LRMDA: variants seen among roughly 807,000 people sequenced by gnomAD.
LRMDA encodes the protein leucine rich melanocyte differentiation associated, also known as leucine-rich melanocyte differentiation-associated protein.
A neutral mutation model predicts 29.8 loss-of-function variants in LRMDA; 18 were observed. The ratio of observed to expected loss-of-function variants is 0.60; its 90% CI spans 0.42 to 0.90. The LOEUF is 0.90. Ranked by LOEUF, LRMDA falls within the 40% of genes least tolerant of loss-of-function variation. LRMDA has a pLI of 0.00. For missense variants in LRMDA, 273 were observed against 273.9 expected (o/e 1.00, Z 0.02); for synonymous variants, 125 against 109.4 (o/e 1.14, Z -0.89).
At chr10:76,044,439 GTTTTTTT>G (rs3042545) in intron 3 of LRMDA, among the ~76,000 whole-genome samples, 1 of 137,020 alleles carries the variant, frequency 7.3e-6, no homozygotes, top group Non-Finnish European at 1.6e-5. Flanking sequence ...TTTTTTCTTT[GTTTTTTT>G]TTTTTTTTTT....
intron 2 of LRMDA, among the ~76,000 whole-genome samples, chr10:75,968,767 T>A (rs1011146811): frequency 6.6e-6 from 1 of 152,186 alleles, no homozygotes; most frequent in Non-Finnish European, 1.5e-5. Flanking sequence ...CTTAGGTATC[T>A]TTTGGAGGGT....
chr10:75,837,070 T>TGATATTGATATAGATATA (rs1181020376), intron 2 of LRMDA, among the ~76,000 whole-genome samples: 1 of 152,186 alleles, frequency 6.6e-6, no homozygotes, highest in East Asian at 1.9e-4. Context: ...ATTGATATAC[T>TGATATTGATATAGATATA]GATATTGATA....
chr10:75,673,027 G>T (rs1290899553), intron 2 of LRMDA, among the ~76,000 whole-genome samples: 1 of 151,598 alleles, frequency 6.6e-6, no homozygotes, highest in Non-Finnish European at 1.5e-5. Flanking sequence ...GTCATCATAG[G>T]AATGATGCAG....
chr10:76,147,857 A>G (rs1850359163), intron 5 of LRMDA, among the ~76,000 whole-genome samples: 1 of 151,904 alleles, frequency 6.6e-6, no homozygotes, highest in South Asian at 2.1e-4. Flanking sequence ...GTACAGATGC[A>G]CTTTTTGTGT....
intron 2 of LRMDA, among the ~76,000 whole-genome samples, chr10:75,704,813 T>C (rs770475817): frequency 2.0e-5 from 3 of 152,216 alleles, no homozygotes; most frequent in Non-Finnish European, 4.4e-5. Context: ...CTTACCTTTC[T>C]GCACTTCTGT....
chr10:75,926,625 G>T (rs1846124470), intron 2 of LRMDA, among the ~76,000 whole-genome samples: 1 of 152,172 alleles, frequency 6.6e-6, no homozygotes, highest in Non-Finnish European at 1.5e-5. Context: ...GTGTTTATGG[G>T]CATGTTTGGC....
intron 6 of LRMDA, among the ~76,000 whole-genome samples, chr10:76,549,428 A>G (rs763082552): frequency 1.1e-4 from 17 of 152,182 alleles, no homozygotes; most frequent in Non-Finnish European, 2.2e-4. Flanking sequence ...GGAAAGCTGC[A>G]CTGGACGGGT....
chr10:76,287,830 G>T (rs1295180587), intron 5 of LRMDA, among the ~76,000 whole-genome samples: 2 of 152,174 alleles, frequency 1.3e-5, no homozygotes, highest in Non-Finnish European at 2.9e-5. Flanking sequence ...AGGCCCTTCA[G>T]ATCTAATAAG....
At chr10:75,502,356 C>T (rs1195393724) in intron 2 of LRMDA, among the ~76,000 whole-genome samples, 4 of 152,108 alleles carry the variant, frequency 2.6e-5, no homozygotes, top group African/African-American at 9.7e-5. Context: ...TTGTTGGGCA[C>T]AGTTTGGGAG....
At chr10:76,232,750 TG>T (rs1336913013) in intron 5 of LRMDA, among the ~76,000 whole-genome samples, 2 of 152,128 alleles carry the variant, frequency 1.3e-5, no homozygotes, top group African/African-American at 4.8e-5. Flanking sequence ...GTGAGCCAGA[TG>T]GGGAGTTTTA....
At chr10:75,670,489 G>C (rs1200826701) in intron 2 of LRMDA, among the ~76,000 whole-genome samples, 2 of 152,224 alleles carry the variant, frequency 1.3e-5, no homozygotes, top group Admixed American at 1.3e-4. Context: ...GAAATTGTGA[G>C]GCATGAAGAA....
At chr10:75,755,901 T>G (rs1334987924) in intron 2 of LRMDA, among the ~76,000 whole-genome samples, 1 of 152,190 alleles carries the variant, frequency 6.6e-6, no homozygotes, top group Non-Finnish European at 1.5e-5. Flanking sequence ...TGGGAAGCTT[T>G]GGAGGGTTTT....
At chr10:75,488,436 A>G (rs1844942776) in intron 2 of LRMDA, among the ~76,000 whole-genome samples, 1 of 152,190 alleles carries the variant, frequency 6.6e-6, no homozygotes, top group Admixed American at 6.5e-5. Context: ...TTGCACTGAC[A>G]GGTGTTTGTG....
At chr10:76,329,484 A>G (rs752159558) in intron 6 of LRMDA, among the ~76,000 whole-genome samples, 1 of 152,350 alleles carries the variant, frequency 6.6e-6, no homozygotes, top group Admixed American at 6.5e-5. Flanking sequence ...TGAAATGTGT[A>G]AAAGAAAGAA....
intron 2 of LRMDA, among the ~76,000 whole-genome samples, chr10:75,573,940 T>C (rs1430340): frequency 0.6 from 91,446 of 151,968 alleles, 31,026 homozygotes; most frequent in East Asian, 0.85. Flanking sequence ...TGACTTTACA[T>C]ACACTAATAG....
intron 5 of LRMDA, among the ~76,000 whole-genome samples, chr10:76,112,500 G>A (rs1248248313): frequency 6.6e-6 from 1 of 152,216 alleles, no homozygotes; most frequent in Non-Finnish European, 1.5e-5. Flanking sequence ...GGGGAGGGGG[G>A]CGCTTCCACG....
chr10:75,893,666 T>A (rs1845532995), intron 2 of LRMDA, among the ~76,000 whole-genome samples: 1 of 152,166 alleles, frequency 6.6e-6, no homozygotes, highest in African/African-American at 2.4e-5. Context: ...CTGGGCATAG[T>A]GGCTCACACC....
intron 5 of LRMDA, among the ~76,000 whole-genome samples, chr10:76,277,239 G>C (rs1302101590): frequency 2.6e-5 from 4 of 151,988 alleles, no homozygotes; most frequent in African/African-American, 9.7e-5. Flanking sequence ...CCTGCATTTG[G>C]GGAAAAGCCA....
intron 5 of LRMDA, among the ~76,000 whole-genome samples, chr10:76,207,093 C>A (rs1851550447): frequency 6.6e-6 from 1 of 152,198 alleles, no homozygotes; most frequent in Non-Finnish European, 1.5e-5. Flanking sequence ...GCCTGTCTGA[C>A]TTACTAATTG....
Sources: gnomAD v4.1 joint callset for allele counts (sites outside exome capture counted in the v4.1 genomes callset) on GRCh38, gnomAD v4.1.1 for gene constraint, MANE v1.5 for transcripts, NCBI Gene and HGNC (gene_info 2026-07-23, HGNC 2026-07-21) for gene names.